The following OR2L13 variants were observed in gnomAD, a reference collection of about 807,000 sequenced individuals.
The protein encoded by OR2L13 is olfactory receptor family 2 subfamily L member 13.
A neutral mutation model predicts 15.3 loss-of-function variants in OR2L13; 14 were observed. The observed-to-expected ratio is 0.91, with a 90% CI of 0.60 to 1.43. The LOEUF (loss-of-function observed/expected upper bound fraction) is 1.43. Ranked by LOEUF, OR2L13 falls within the 40% of genes most tolerant of loss-of-function variation. OR2L13 has a pLI of 0.00. For synonymous variants in OR2L13, 152 were observed against 142.9 expected, an observed-to-expected ratio of 1.06 and a Z score of -0.45; for missense variants, 367 against 387.9, an observed-to-expected ratio of 0.95 and a Z score of 0.45.
At chr1:247,947,932 A>G in the OR2L13 span, among the ~76,000 whole-genome samples, 5 of 152,196 alleles carry the variant, frequency 3.3e-5, no homozygotes, top group Non-Finnish European at 5.9e-5. Flanking sequence ...CAGAATAAAC[A>G]TGGGTTGGGT....
the OR2L13 span, chr1:247,966,474 C>T: frequency 2.4e-6 from 2 of 844,026 alleles, no homozygotes; most frequent in Non-Finnish European, 3.5e-6. Flanking sequence ...ATTCAGGCTT[C>T]TTAAATCTGT....
the OR2L13 span, among the ~76,000 whole-genome samples, chr1:248,002,776 G>T: frequency 0.12 from 18,370 of 151,234 alleles, 2,053 homozygotes; most frequent in African/African-American, 0.3. Context: ...GAGAATGGCG[G>T]GAACCCGGGA....
At chr1:248,015,226 A>T in the OR2L13 span, among the ~76,000 whole-genome samples, 1 of 152,228 alleles carries the variant, frequency 6.6e-6, no homozygotes, top group Non-Finnish European at 1.5e-5. Flanking sequence ...AAGATCAGTT[A>T]TTCCTACGTC....
the OR2L13 span, among the ~76,000 whole-genome samples, chr1:247,980,689 C>T: frequency 1.1e-4 from 16 of 152,108 alleles, no homozygotes; most frequent in South Asian, 1.0e-3. Flanking sequence ...GGACATTCCC[C>T]GGTGAATCCT....
the OR2L13 span, among the ~76,000 whole-genome samples, chr1:248,080,183 T>C: frequency 6.6e-6 from 1 of 152,236 alleles, no homozygotes; most frequent in African/African-American, 2.4e-5. Flanking sequence ...AATTAAGATT[T>C]GCATTAACTG....
the OR2L13 span, among the ~76,000 whole-genome samples, chr1:247,984,733 C>T: frequency 6.6e-6 from 1 of 152,148 alleles, no homozygotes; most frequent in African/African-American, 2.4e-5. Flanking sequence ...GATAAATATG[C>T]ATAAGGTAAA....
At chr1:248,096,095 G>A (rs1325274849), upstream of OR2L13, among the ~76,000 whole-genome samples, 1 of 151,922 alleles carries the variant, frequency 6.6e-6, no homozygotes, top group Non-Finnish European at 1.5e-5. Flanking sequence ...GAAAAAGAAG[G>A]CTGGGCACCC....
the OR2L13 span, chr1:248,035,538 G>A: frequency 6.6e-6 from 1 of 152,068 alleles, no homozygotes; most frequent in African/African-American, 2.4e-5. Flanking sequence ...TCACTTTAAT[G>A]TTTTATTCAA....
chr1:247,967,916 TCTTCTTC>T, the OR2L13 span, among the ~76,000 whole-genome samples: 181 of 152,010 alleles, frequency 1.2e-3, no homozygotes, highest in African/African-American at 4.0e-3. Flanking sequence ...TTCCTCTTCT[TCTTCTTC>T]CTTCTTTCTT....
the OR2L13 span, among the ~76,000 whole-genome samples, chr1:248,078,101 C>T: frequency 3.3e-5 from 5 of 152,054 alleles, no homozygotes; most frequent in African/African-American, 7.2e-5. Flanking sequence ...AAACTACATA[C>T]GTATCAGAAT....
At chr1:248,088,972 T>C in the OR2L13 span, among the ~76,000 whole-genome samples, 1 of 152,112 alleles carries the variant, frequency 6.6e-6, no homozygotes, top group Non-Finnish European at 1.5e-5. Flanking sequence ...TACTATTCAA[T>C]TTAATCCTGA....
the OR2L13 span, among the ~76,000 whole-genome samples, chr1:248,067,144 T>G: frequency 6.6e-6 from 1 of 152,260 alleles, no homozygotes. Context: ...AAGTTTTGAA[T>G]GGTTTATCCC....
the OR2L13 span, chr1:247,990,406 T>A: frequency 1.8e-5 from 28 of 1,585,308 alleles, no homozygotes; most frequent in Non-Finnish European, 2.4e-5. Flanking sequence ...ATGATTCTTC[T>A]CATCTTCTTG....
the OR2L13 span, among the ~76,000 whole-genome samples, chr1:247,979,036 C>A: frequency 6.6e-6 from 1 of 152,242 alleles, no homozygotes; most frequent in Middle Eastern, 3.4e-3. Context: ...TTCTTTCATA[C>A]AGAAATCCTC....
the OR2L13 span, chr1:248,060,706 A>G: frequency 6.2e-7 from 1 of 1,613,358 alleles, no homozygotes; most frequent in Non-Finnish European, 8.5e-7. Flanking sequence ...TCAAACATCA[A>G]CTGATTTCAT....
chr1:247,980,497 A>G, the OR2L13 span, among the ~76,000 whole-genome samples: 1 of 152,214 alleles, frequency 6.6e-6, no homozygotes, highest in East Asian at 1.9e-4. Flanking sequence ...GATTTCATAA[A>G]CTATTAGAGA....
At chr1:248,099,763 T>C in exon 3 of OR2L13, 1 of 1,614,174 alleles carries the variant, frequency 6.2e-7, no homozygotes, top group African/African-American at 1.3e-5. Context: ...CCACTCTCTC[T>C]ATTATCCTAT....
the OR2L13 span, among the ~76,000 whole-genome samples, chr1:248,068,668 A>G: frequency 6.6e-6 from 1 of 152,232 alleles, no homozygotes; most frequent in Non-Finnish European, 1.5e-5. Flanking sequence ...AGACGATCAA[A>G]CTACTCCGAG....
At chr1:247,967,403 A>G in the OR2L13 span, among the ~76,000 whole-genome samples, 5,989 of 151,884 alleles carry the variant, frequency 0.039, 379 homozygotes, top group African/African-American at 0.14. Flanking sequence ...TAATTTTTGT[A>G]TTTTTAGTAG....
Sources: gnomAD v4.1 joint callset for allele counts (sites outside exome capture counted in the v4.1 genomes callset) on GRCh38, gnomAD v4.1.1 for gene constraint, MANE v1.5 for transcripts, NCBI Gene and HGNC (gene_info 2026-07-23, HGNC 2026-07-21) for gene names.